RBFOX3: variants seen among roughly 807,000 people sequenced by gnomAD.
RBFOX3 encodes RNA binding fox-1 homolog 3.
A neutral mutation model predicts 48.7 loss-of-function variants in RBFOX3; 17 were observed. That is an observed-to-expected ratio of 0.35 (90% CI 0.24 to 0.52). The LOEUF is 0.52. Ranked by LOEUF, RBFOX3 falls within the 20% of genes least tolerant of loss-of-function variation. The pLI is 0.94. For synonymous variants in RBFOX3, 212 were observed against 209.5 expected, an observed-to-expected ratio of 1.01 and a Z score of -0.10; for missense variants, 382 against 497.5, an observed-to-expected ratio of 0.77 and a Z score of 2.21.
chr17:79,582,026 G>C (rs2093078692), intron 1 of RBFOX3, among the ~76,000 whole-genome samples: 1 of 150,354 alleles, frequency 6.7e-6, no homozygotes, highest in East Asian at 1.9e-4. Flanking sequence ...GTGCGTGCCT[G>C]TGCGTGCCTG....
chr17:79,154,331 A>G (rs915233673), intron 4 of RBFOX3, among the ~76,000 whole-genome samples: 2 of 152,062 alleles, frequency 1.3e-5, no homozygotes, highest in Non-Finnish European at 2.9e-5. Flanking sequence ...CCCTGCCTGA[A>G]GTGGGTTCTG....
At chr17:79,664,039 G>A in the RBFOX3 span, among the ~76,000 whole-genome samples, 20 of 152,290 alleles carry the variant, frequency 1.3e-4, no homozygotes, top group South Asian at 1.2e-3. Context: ...AAAAGCCTCC[G>A]TGTTTGTCTT....
intron 4 of RBFOX3, among the ~76,000 whole-genome samples, chr17:79,140,887 G>C (rs1444189523): frequency 6.6e-6 from 1 of 152,210 alleles, no homozygotes; most frequent in Non-Finnish European, 1.5e-5. Flanking sequence ...GCCATGCTGA[G>C]GGCTGGGGTT....
intron 9 of RBFOX3, chr17:79,097,997 G>C: frequency 1.9e-6 from 1 of 529,648 alleles, no homozygotes; most frequent in Non-Finnish European, 3.4e-6. Context: ...TCCTCAGCCT[G>C]CCCCTGAGCA....
chr17:79,329,997 C>T (rs2079975674), intron 2 of RBFOX3, among the ~76,000 whole-genome samples: 1 of 152,162 alleles, frequency 6.6e-6, no homozygotes, highest in African/African-American at 2.4e-5. Flanking sequence ...AGAAAACAGC[C>T]CCCAACACCC....
At chr17:79,359,951 C>T (rs1161185118) in intron 2 of RBFOX3, among the ~76,000 whole-genome samples, 4 of 152,082 alleles carry the variant, frequency 2.6e-5, no homozygotes, top group African/African-American at 9.7e-5. Context: ...ATCTCGAACT[C>T]CAGGGCTCAA....
intron 1 of RBFOX3, among the ~76,000 whole-genome samples, chr17:79,595,786 T>A (rs1449743486): frequency 1.3e-5 from 2 of 152,244 alleles, no homozygotes; most frequent in Non-Finnish European, 2.9e-5. Context: ...ATTCTTGGAT[T>A]CTGCAAAACA....
chr17:79,148,681 A>T (rs2043599465), intron 4 of RBFOX3, among the ~76,000 whole-genome samples: 1 of 152,234 alleles, frequency 6.6e-6, no homozygotes, highest in South Asian at 2.1e-4. Context: ...GCCCGACATG[A>T]GGCAGTTGCT....
intron 1 of RBFOX3, among the ~76,000 whole-genome samples, chr17:79,568,403 T>C (rs1451836480): frequency 6.6e-6 from 1 of 152,180 alleles, no homozygotes; most frequent in Non-Finnish European, 1.5e-5. Flanking sequence ...TGGAGCATTT[T>C]GGTTCTTGGA....
At chr17:79,528,000 C>T (rs2087029798) in intron 1 of RBFOX3, among the ~76,000 whole-genome samples, 1 of 152,218 alleles carries the variant, frequency 6.6e-6, no homozygotes, top group South Asian at 2.1e-4. Context: ...CACGTCAAAG[C>T]CCTAACCTCT....
chr17:79,640,474 T>C, the RBFOX3 span, among the ~76,000 whole-genome samples: 1 of 152,154 alleles, frequency 6.6e-6, no homozygotes, highest in Non-Finnish European at 1.5e-5. Context: ...AAAATTTGTA[T>C]GGAATCACAA....
chr17:79,101,189 C>T (rs1181636092), intron 9 of RBFOX3, among the ~76,000 whole-genome samples: 1 of 152,194 alleles, frequency 6.6e-6, no homozygotes, highest in Non-Finnish European at 1.5e-5. Context: ...AGCCTGCTTA[C>T]ACTGGGAATC....
chr17:79,336,212 A>G (rs1214776678), intron 2 of RBFOX3, among the ~76,000 whole-genome samples: 3 of 151,450 alleles, frequency 2.0e-5, no homozygotes, highest in Admixed American at 6.6e-5. Context: ...CATGACGAAA[A>G]CCCATCTCTA....
At chr17:79,375,065 G>A (rs1254223480) in intron 2 of RBFOX3, among the ~76,000 whole-genome samples, 2 of 152,080 alleles carry the variant, frequency 1.3e-5, no homozygotes, top group Non-Finnish European at 2.9e-5. Flanking sequence ...GGCTCGCCAA[G>A]AGCCAGCACA....
At chr17:79,475,346 G>A (rs561428116) in intron 2 of RBFOX3, among the ~76,000 whole-genome samples, 102 of 152,288 alleles carry the variant, frequency 6.7e-4, no homozygotes, top group African/African-American at 2.4e-3. Context: ...AATCAGCCAA[G>A]GGATGGTTCT....
chr17:79,260,510 G>A (rs2065581154), intron 3 of RBFOX3, among the ~76,000 whole-genome samples: 1 of 152,214 alleles, frequency 6.6e-6, no homozygotes, highest in East Asian at 1.9e-4. Context: ...CGCCAATAGA[G>A]CAGAGATGCC....
At chr17:79,417,228 C>T (rs55647961) in intron 2 of RBFOX3, among the ~76,000 whole-genome samples, 27,722 of 152,114 alleles carry the variant, frequency 0.18, 2,904 homozygotes, top group Non-Finnish European at 0.24. Flanking sequence ...TCTCCTTGCT[C>T]CCCGTAAGAG....
At chr17:79,257,159 A>G (rs2065012321) in intron 3 of RBFOX3, among the ~76,000 whole-genome samples, 1 of 151,956 alleles carries the variant, frequency 6.6e-6, no homozygotes, top group African/African-American at 2.4e-5. Flanking sequence ...ACACACTACA[A>G]TCAATGCCGG....
intron 2 of RBFOX3, among the ~76,000 whole-genome samples, chr17:79,411,454 A>C (rs573694698): frequency 2.4e-4 from 36 of 152,102 alleles, no homozygotes; most frequent in Non-Finnish European, 5.0e-4. Flanking sequence ...GAGCGTGTTC[A>C]GCCTTGGCCT....
Sources: allele counts gnomAD v4.1 joint callset (sites outside exome capture counted in the v4.1 genomes callset), GRCh38; gene constraint gnomAD v4.1.1; transcripts MANE v1.5; gene names NCBI Gene and HGNC (gene_info 2026-07-23, HGNC 2026-07-21).